Variants in PLCD1 observed in about 807,000 individuals in gnomAD.
PLCD1 encodes the protein 1-phosphatidylinositol 4,5-bisphosphate phosphodiesterase delta-1.
Under a neutral mutation model 87.4 loss-of-function variants are expected in PLCD1, and 71 were observed. The ratio of observed to expected loss-of-function variants is 0.81; its 90% CI spans 0.67 to 0.99. The LOEUF (loss-of-function observed/expected upper bound fraction) is 0.99. Among genes scored for constraint, PLCD1 ranks in the 50% least tolerant of loss-of-function variants. The pLI, the probability that PLCD1 is intolerant of heterozygous loss-of-function variation, is 0.00. For missense variants in PLCD1, 867 were observed against 1,001.5 expected, an observed-to-expected ratio of 0.87 and a Z score of 1.81; for synonymous variants, 348 against 399.2, an observed-to-expected ratio of 0.87 and a Z score of 1.53.
rs141555869 is a variant in PLCD1, at chr3:38,009,736, C to T, written c.1363G>A (p.Glu455Lys). The change falls in exon 9 of 15, where the codon GAG (glutamate) becomes AAG (lysine). Residue 455 changes from glutamate (E) to lysine (K), a missense_variant. Glu to Lys is a moderately conservative substitution (Grantham distance 56). Transcript: ENST00000334661. ...TCTTCGTCTGACACCACAGTGGCCT[C>T]AGGGCCACCCTCCCCTCCAGGGGGC... ...LLPPGGEGGP[E>K]ATVVSDEDEA... is the part of the protein sequence containing the mutation. The T allele has an allele frequency of 1.1e-4, 177 of 1,613,892 alleles. No homozygotes were observed. Among genetic ancestry groups the T allele is most frequent in the Non-Finnish European group, 1.4e-4 (170 of 1,179,890 alleles).
intron 12 of PLCD1, 30 bp downstream of exon 12, chr3:38,008,428 G>A (rs1435708576): frequency 1.2e-6 from 2 of 1,614,038 alleles, no homozygotes; most frequent in Admixed American, 3.3e-5. Flanking sequence ...GGAGGTCCGT[G>A]GGCACCTGTC....
intron 3 of PLCD1, among the ~76,000 whole-genome samples, chr3:38,015,567 AAAAGGGTTAATT>A (rs1349970253): frequency 6.6e-6 from 1 of 152,228 alleles, no homozygotes; most frequent in African/African-American, 2.4e-5. Context: ...TCAACACTTT[AAAAGGGTTAATT>A]ATATGGTATG....
chr3:38,007,842 G>T lies in PLCD1; in HGVS notation c.2202C>A (p.His734Gln), dbSNP rs757077721. ...NSLKQGYRHV[H>Q]LMSKNGDQHP... ...GCTGGTCCCCGTTCTTAGACATGAG[G>T]TGGACATGGCGGTATCCTGGTGGGT... Residue 734 changes from histidine to glutamine, a missense_variant, in exon 15 of 15, where the codon CAC becomes CAA. Coordinates refer to ENST00000334661, the MANE Select transcript of PLCD1 (RefSeq NM_006225.4). The T allele has an allele frequency of 2.8e-5, 45 of 1,614,058 alleles. No homozygotes were observed. Among genetic ancestry groups the T allele is most frequent in the Non-Finnish European group, 3.8e-5 (45 of 1,179,998 alleles).
In PLCD1 at chr3:38,010,251, G is replaced by C; in HGVS notation, c.1017C>G (p.Cys339Trp). ...GCCCGTCCCAGCAGTCAAGCTCCAGGCATCGGCAGCCTTTGCACAGTGCCC... is the reference window on the plus strand; with the variant it reads ...GCCCGTCCCAGCAGTCAAGCTCCAGCCATCGGCAGCCTTTGCACAGTGCCC... ...YIRALCKGCR[C>W]LELDCWDGPN... The change falls in exon 7 of 15, where the codon TGC becomes TGG. Residue 339 changes from cysteine (C) to tryptophan (W), a missense_variant. Physicochemically the swap from Cys to Trp is radical, Grantham distance 215. Coordinates refer to ENST00000334661, the MANE Select transcript of PLCD1 (RefSeq NM_006225.4). The C allele has an allele frequency of 1.9e-6, 3 of 1,614,226 alleles. No individual in the cohort carries two copies. Among genetic ancestry groups the C allele is most frequent in the Non-Finnish European group, 2.5e-6 (3 of 1,180,038 alleles).
intron 1 of PLCD1, chr3:38,024,277 G>T (rs758911933): frequency 1.2e-5 from 18 of 1,485,436 alleles, no homozygotes; most frequent in Non-Finnish European, 1.7e-5. Context: ...AGTGGTCGGC[G>T]TCCTGCTCCA....
chr3:38,019,160 A>C (rs946628847), intron 2 of PLCD1: 1 of 151,936 alleles, frequency 6.6e-6, no homozygotes, highest in Non-Finnish European at 1.5e-5. Context: ...ACCTGCCCCC[A>C]TCTCCCCACC....
rs533759608 is a variant in PLCD1 at position 38,011,339 on chromosome 3, G to A, written c.665C>T (p.Ala222Val). The change falls in exon 5 of 15, where the codon GCG (alanine) becomes GTG (valine). Residue 222 changes from alanine (A) to valine (V), a missense_variant. Ala to Val is a moderately conservative substitution (Grantham distance 64, BLOSUM62 0). Coordinates refer to ENST00000334661, the MANE Select transcript of PLCD1 (RefSeq NM_006225.4). ...VEIDRTFAEA[A>V]GSGETLSVDQ... ...CACCGACAGAGTCTCCCCTGAGCCC[G>A]CGGCCTCGGCGAAGGTGCGGTCGAT... The A allele has an allele frequency of 1.3e-5, 21 of 1,612,512 alleles. No individual in the cohort carries two copies. In the East Asian group the frequency reaches 1.3e-4, roughly 10 times the overall value.
Position 38,011,636 on chromosome 3 carries a change from T to G in PLCD1, c.466A>C (p.Lys156Gln), listed in dbSNP as rs1465225792. The change falls in exon 4 of 15, where the codon AAG (lysine) becomes CAG (glutamine). Residue 156 changes from lysine to glutamine, a missense_variant. Lys to Gln is a moderately conservative substitution (Grantham distance 53). Coordinates refer to ENST00000334661, the MANE Select transcript of PLCD1 (RefSeq NM_006225.4). ...HSCLRKADKN[K>Q]DNKMSFKELQ... ...TCCTTGAAGCTCATCTTGTTGTCCTTGTTTTTGTCAGCTTTTCGCAAGCAG... is the reference window on the plus strand; with the variant it reads ...TCCTTGAAGCTCATCTTGTTGTCCTGGTTTTTGTCAGCTTTTCGCAAGCAG... The G allele has an allele frequency of 1.2e-6, 2 of 1,614,240 alleles. No individual in the cohort carries two copies. The highest frequency in any genetic ancestry group is 1.7e-6 in the Non-Finnish European group (2 of 1,180,020).
At chr3:38,012,023 T>C (rs1700085799) in intron 3 of PLCD1, among the ~76,000 whole-genome samples, 1 of 145,978 alleles carries the variant, frequency 6.9e-6, no homozygotes, top group Admixed American at 6.7e-5. Flanking sequence ...CCTTCTGGTT[T>C]TCCTTTTCTT....
In PLCD1 at chr3:38,009,085, G is replaced by A. The variant is rs374024388; in HGVS notation, c.1680C>T (p.Ser560=). The change falls in exon 11 of 15, where the codon TCC becomes TCT. Residue 560 remains serine (S), a synonymous_variant. Coordinates refer to ENST00000334661, the MANE Select transcript of PLCD1 (RefSeq NM_006225.4). Reference sequence around the variant, plus strand: ...TCCACATCTCCACGGGGCTGTAGTTGGAGGAGTCTGTTCTCCATCCAGCCG... The same window carrying A: ...TCCACATCTCCACGGGGCTGTAGTTAGAGGAGTCTGTTCTCCATCCAGCCG... ...IYPAGWRTDS[S]NYSPVEMWNG... 4.3e-6 allele frequency: 7 copies of A among 1,613,714 alleles called. No individual in the cohort carries two copies. The African/African-American group carries it at 6.7e-5, about 15-fold the overall frequency.
chr3:38,024,493 G>C, intron 1 of PLCD1: 1 of 1,563,118 alleles, frequency 6.4e-7, no homozygotes, highest in Non-Finnish European at 8.7e-7. Flanking sequence ...CGCCTCCAGT[G>C]TTTTATGCTC....
Position 38,010,262 on chromosome 3 carries a change from C to T in PLCD1, c.1006G>A (p.Gly336Ser). 6.2e-7 allele frequency: 1 copy of T among 1,614,252 alleles called. No homozygotes were observed. Among genetic ancestry groups the T allele is most frequent in the South Asian group, 1.1e-5 (1 of 91,090 alleles). Residue 336 changes from glycine to serine, a missense_variant, in exon 7 of 15, where the codon GGC becomes AGC. Gly to Ser is a moderately conservative substitution (Grantham distance 56, BLOSUM62 0). Transcript: ENST00000334661. ...TEAYIRALCK[G>S]CRCLELDCWD... The stretch of plus-strand genomic sequence containing the variant: ...CAGTCAAGCTCCAGGCATCGGCAGC[C>T]TTTGCACAGTGCCCTGCGGGGAGGG...
At chr3:38,011,802 C>A (rs967577221) in intron 3 of PLCD1, 129 bp from the exon 4 acceptor site, 26 of 844,794 alleles carry the variant, frequency 3.1e-5, no homozygotes, top group Non-Finnish European at 4.0e-5. Context: ...ACTACACATC[C>A]ATGTTTCAGT....
At chr3:38,024,171 C>T (rs1700273877) in intron 1 of PLCD1, 4 of 644,860 alleles carry the variant, frequency 6.2e-6, no homozygotes, top group Admixed American at 5.7e-5. Flanking sequence ...CGTGCTACCA[C>T]TGCAAACACT....
chr3:38,014,412 C>T (rs1700125277), intron 3 of PLCD1, among the ~76,000 whole-genome samples: 4 of 152,126 alleles, frequency 2.6e-5, no homozygotes, highest in Admixed American at 1.3e-4. Context: ...AGAACTCAGG[C>T]CCAGCGCAGT....
rs1430438655 is a variant in PLCD1 at position 38,018,473 on chromosome 3, T to TGCAATGTCCTTCCTGCCC, written c.199+1697_199+1714dup. Among the ~76,000 whole-genome samples, 33 of 152,254 alleles carry TGCAATGTCCTTCCTGCCC rather than the reference T, an allele frequency of 2.2e-4. No homozygotes were observed. Among genetic ancestry groups the TGCAATGTCCTTCCTGCCC allele is most frequent in the Admixed American group, 4.6e-4 (7 of 15,294 alleles). ...CTTGGCTCACACTGGGCCTCCTGCC[T>TGCAATGTCCTTCCTGCCC]GCAATGTCCTTCCTGCCCATCTGCT... On this transcript the variant is annotated intron_variant, in intron 2 of 14. Transcript: ENST00000334661. This position sits in a 1 kb window ranked among gnomAD's most constrained non-coding sequence, Gnocchi z 5.7.
At chr3:38,007,916 A>T in intron 14 of PLCD1, 58 bp from the exon 15 acceptor site, 1 of 1,604,946 alleles carries the variant, frequency 6.2e-7, no homozygotes, top group Non-Finnish European at 8.5e-7. Flanking sequence ...TCGGCGGCGG[A>T]GGGGGGGTGG....
intron 3 of PLCD1, among the ~76,000 whole-genome samples, chr3:38,011,961 C>T (rs2125545165): frequency 6.6e-6 from 1 of 152,218 alleles, no homozygotes; most frequent in African/African-American, 2.4e-5. Flanking sequence ...TCAAACAAAT[C>T]TCCCGTAGTC....
In PLCD1 at chr3:38,008,276, C is replaced by G. The variant is rs764181631; in HGVS notation, c.1994G>C (p.Arg665Pro). ...KVTVEIHGVS[R>P]DVASRQTAVI... ...AGCAGTCTGGCGGCTGGCCACGTCC[C>G]GGCTCACGCCATGGATCTCCACTGT... The change falls in exon 13 of 15, where the codon CGG (arginine) becomes CCG (proline). Residue 665 changes from arginine (R) to proline (P), a missense_variant. By Grantham distance (103) the Arg-to-Pro change is moderately radical. Transcript: ENST00000334661. 6.2e-7 allele frequency: 1 copy of G among 1,614,058 alleles called. No individual in the cohort carries two copies. Among genetic ancestry groups the G allele is most frequent in the African/African-American group, 1.3e-5 (1 of 74,934 alleles).
Sources: gnomAD v4.1 joint callset for allele counts (sites outside exome capture counted in the v4.1 genomes callset) on GRCh38, gnomAD v4.1.1 for gene constraint, Gnocchi (gnomAD v3.1) non-coding constraint, MANE v1.5 for transcripts, NCBI Gene and HGNC (gene_info 2026-07-23, HGNC 2026-07-21) for gene names.